The following ZNF469 variants were observed in gnomAD, a reference collection of about 807,000 sequenced individuals.
ZNF469 encodes zinc finger protein 469.
Under a neutral mutation model 1.0 loss-of-function variants are expected in ZNF469, and 1 was observed. The ratio of observed to expected loss-of-function variants is 1.00; its 90% CI spans 0.35 to 4.73. The LOEUF (loss-of-function observed/expected upper bound fraction) is 4.73, where lower values mean the gene tolerates loss of function less well. ZNF469 is among the 30% of genes most tolerant of loss of function. ZNF469 has a pLI of 0.16. For missense variants in ZNF469, 6,100 were observed against 5,356.3 expected (o/e 1.14, Z -4.33); for synonymous variants, 2,703 against 2,363.4 (o/e 1.14, Z -4.17).
chr16:88,215,786 G>C, the ZNF469 span, among the ~76,000 whole-genome samples: 475 of 152,054 alleles, frequency 3.1e-3, 2 homozygotes, highest in African/African-American at 0.01. Context: ...GATTAAAACA[G>C]GTACTTGAAA....
the ZNF469 span, among the ~76,000 whole-genome samples, chr16:88,313,659 ACT>A: frequency 8.7e-5 from 13 of 149,932 alleles, no homozygotes; most frequent in South Asian, 2.1e-4. Context: ...GCTGGTGTGG[ACT>A]CTCTCTGTAA....
chr16:88,397,794 G>A (rs1026982085), intron 1 of ZNF469, among the ~76,000 whole-genome samples: 11 of 152,270 alleles, frequency 7.2e-5, no homozygotes, highest in African/African-American at 2.6e-4. Context: ...GGAGAATGTT[G>A]GAAATCCCCT....
chr16:88,251,773 G>A, the ZNF469 span, among the ~76,000 whole-genome samples: 1 of 151,688 alleles, frequency 6.6e-6, no homozygotes, highest in South Asian at 2.1e-4. Context: ...TGGCCAGGCT[G>A]GTCTCAAACT....
the ZNF469 span, among the ~76,000 whole-genome samples, chr16:88,149,789 G>T: frequency 1.3e-5 from 2 of 152,150 alleles, no homozygotes; most frequent in Admixed American, 1.3e-4. Flanking sequence ...CCCTCTTTCA[G>T]TCTCAGGTTT....
chr16:88,233,029 C>T, the ZNF469 span, among the ~76,000 whole-genome samples: 17 of 152,192 alleles, frequency 1.1e-4, no homozygotes, highest in African/African-American at 3.4e-4. Context: ...GCCAGATCCT[C>T]AGGCGCTGGC....
chr16:88,306,459 C>G, the ZNF469 span, among the ~76,000 whole-genome samples: 1 of 152,200 alleles, frequency 6.6e-6, no homozygotes, highest in Non-Finnish European at 1.5e-5. Context: ...GTGTGACACC[C>G]TGGGAGGCTC....
At chr16:88,421,865 C>G (rs752258929) in intron 1 of ZNF469, among the ~76,000 whole-genome samples, 1 of 152,286 alleles carries the variant, frequency 6.6e-6, no homozygotes, top group Non-Finnish European at 1.5e-5. Context: ...TCTTGATTCA[C>G]TGACTTTCTG....
the ZNF469 span, among the ~76,000 whole-genome samples, chr16:88,280,362 G>A: frequency 3.9e-5 from 6 of 152,002 alleles, no homozygotes; most frequent in African/African-American, 1.5e-4. Context: ...TCAGTACTGT[G>A]CTGATGTTGG....
the ZNF469 span, among the ~76,000 whole-genome samples, chr16:88,306,455 C>T: frequency 4.6e-5 from 7 of 152,330 alleles, no homozygotes; most frequent in East Asian, 7.7e-4. Flanking sequence ...GCCTGTGTGA[C>T]ACCCTGGGAG....
chr16:88,394,080 A>G (rs7197908), intron 1 of ZNF469, among the ~76,000 whole-genome samples: 3 of 77,484 alleles, frequency 3.9e-5, no homozygotes, highest in East Asian at 3.0e-4. Context: ...GCCTGAGAGG[A>G]GCAGGGTTTG....
At chr16:88,145,995 C>A in the ZNF469 span, among the ~76,000 whole-genome samples, 1 of 152,234 alleles carries the variant, frequency 6.6e-6, no homozygotes, top group Admixed American at 6.5e-5. Context: ...GGAGACTGGG[C>A]CACTTTGTGT....
chr16:88,389,703 G>A (rs1313653531), intron 1 of ZNF469, among the ~76,000 whole-genome samples: 3 of 152,198 alleles, frequency 2.0e-5, no homozygotes, highest in Non-Finnish European at 4.4e-5. Context: ...ACTGGGAATG[G>A]GGCCAGGATT....
the ZNF469 span, among the ~76,000 whole-genome samples, chr16:88,342,752 G>A: frequency 2.0e-5 from 3 of 152,230 alleles, no homozygotes; most frequent in African/African-American, 7.2e-5. Context: ...GGGCCAGGTG[G>A]GAGAACGTGC....
the ZNF469 span, among the ~76,000 whole-genome samples, chr16:88,354,612 G>A: frequency 3.0e-5 from 3 of 99,738 alleles, no homozygotes; most frequent in Admixed American, 2.3e-4. Context: ...GCGTGCGAAG[G>A]CGCTTCTCAC....
At chr16:88,167,022 T>G in the ZNF469 span, among the ~76,000 whole-genome samples, 1 of 150,188 alleles carries the variant, frequency 6.7e-6, no homozygotes, top group African/African-American at 2.5e-5. Flanking sequence ...CAGGTGCAAT[T>G]CCCTCTTCTC....
At chr16:88,244,859 GA>G in the ZNF469 span, among the ~76,000 whole-genome samples, 19,543 of 151,332 alleles carry the variant, frequency 0.13, 1,453 homozygotes, top group Middle Eastern at 0.23. Flanking sequence ...TAGGAAAGCA[GA>G]AAAACTTATG....
At chr16:88,285,277 T>C in the ZNF469 span, among the ~76,000 whole-genome samples, 2 of 152,236 alleles carry the variant, frequency 1.3e-5, no homozygotes, top group Admixed American at 6.5e-5. Context: ...TACATGAGGG[T>C]TCCTGCCAGG....
chr16:88,290,417 C>T, the ZNF469 span, among the ~76,000 whole-genome samples: 3 of 152,094 alleles, frequency 2.0e-5, no homozygotes, highest in Non-Finnish European at 2.9e-5. Context: ...TGGCAGGTGA[C>T]GTCCCCTCCT....
chr16:88,364,552 G>C, the ZNF469 span, among the ~76,000 whole-genome samples: 1 of 141,626 alleles, frequency 7.1e-6, no homozygotes, highest in Non-Finnish European at 1.5e-5. Flanking sequence ...GTTTAATCCA[G>C]AGATCAATCT....
Sources: gnomAD v4.1 joint callset for allele counts (sites outside exome capture counted in the v4.1 genomes callset) on GRCh38, gnomAD v4.1.1 for gene constraint, MANE v1.5 for transcripts, NCBI Gene and HGNC (gene_info 2026-07-23, HGNC 2026-07-21) for gene names.